Variants in MMUT observed in about 807,000 individuals in gnomAD.
The protein encoded by MMUT is methylmalonyl-CoA mutase.
Under a neutral mutation model 79.9 loss-of-function variants are expected in MMUT, and 79 were observed. The ratio of observed to expected loss-of-function variants is 0.99; its 90% CI spans 0.82 to 1.19. The LOEUF is 1.19. Ranked by LOEUF, MMUT falls within the 50% of genes most tolerant of loss-of-function variation. The pLI, the probability that MMUT is intolerant of heterozygous loss-of-function variation, is 0.00. For synonymous variants in MMUT, 273 were observed against 295.7 expected (o/e 0.92, Z 0.79); for missense variants, 860 against 917.2 (o/e 0.94, Z 0.81).
At position 49,451,616 on chromosome 6, in the gene MMUT, C is replaced by T. The variant is rs757863375; in HGVS notation, c.1182G>A (p.Leu394=). 6.2e-7 allele frequency: 1 copy of T among 1,614,004 alleles called. No homozygotes were observed. Among genetic ancestry groups the T allele is most frequent in the East Asian group, 2.2e-5 (1 of 44,856 alleles). The change falls in exon 6 of 13, where the codon TTG becomes TTA. Residue 394 remains leucine, a synonymous_variant. Coordinates refer to ENST00000274813, the MANE Select transcript of MMUT (RefSeq NM_000255.4). The part of the protein sequence containing the change: ...SLHTNSFDEA[L]GLPTVKSARI... ...GAGCACTTTTCACAGTTGGCAAACC[C>T]AAAGCTTCATCAAAAGAATTTGTGT...
intron 4 of MMUT, 137 bp from the exon 5 acceptor site, chr6:49,453,893 T>C: frequency 2.8e-6 from 2 of 719,298 alleles, no homozygotes; most frequent in Non-Finnish European, 2.2e-6. Context: ...TTAAGATCAG[T>C]GCACGTACAT....
At chr6:49,443,796 C>T (rs563926950) in intron 9 of MMUT, 11 of 438,458 alleles carry the variant, frequency 2.5e-5, no homozygotes, top group African/African-American at 1.0e-4. Context: ...TGCCAAATAT[C>T]GTGTCTATGG....
intron 8 of MMUT, among the ~76,000 whole-genome samples, chr6:49,445,800 G>C (rs1767397611): frequency 1.3e-5 from 2 of 151,926 alleles, no homozygotes; most frequent in East Asian, 3.9e-4. Flanking sequence ...GGAACCCACA[G>C]ATATGGAGGT....
intron 8 of MMUT, among the ~76,000 whole-genome samples, chr6:49,446,455 A>C (rs1292550843): frequency 6.6e-6 from 1 of 151,918 alleles, no homozygotes; most frequent in Non-Finnish European, 1.5e-5. Context: ...GTTACATCAG[A>C]ATATCCATTT....
At position 49,435,481 on chromosome 6, in the gene MMUT, A is replaced by G. The variant is rs140600746; in HGVS notation, c.2099T>C (p.Met700Thr). The change falls in exon 12 of 13, where the codon ATG (methionine) becomes ACG (threonine). Residue 700 changes from methionine (M) to threonine (T), a missense_variant. Physicochemically the swap from Met to Thr is moderately conservative, Grantham distance 81. Coordinates refer to ENST00000274813, the MANE Select transcript of MMUT (RefSeq NM_000255.4). The stretch of plus-strand genomic sequence containing the variant: ...CTGAGGTGGTATCACCCCTCCACAC[A>G]TGACAAGAATATCTGGCCGTCCAAG... ...NSLGRPDILV[M>T]CGGVIPPQDY... is the part of the protein sequence containing the mutation. 1.2e-6 allele frequency: 2 copies of G among 1,614,094 alleles called. No individual in the cohort carries two copies. The highest frequency in any genetic ancestry group is 2.2e-5 in the South Asian group (2 of 91,078).
At chr6:49,436,333 TG>T (rs1405974153) in intron 11 of MMUT, among the ~76,000 whole-genome samples, 4 of 151,934 alleles carry the variant, frequency 2.6e-5, no homozygotes, top group Non-Finnish European at 4.4e-5. Context: ...CAGCTGGGCG[TG>T]GTGGTTCATG....
intron 2 of MMUT, among the ~76,000 whole-genome samples, 156 bp from the exon 3 acceptor site, chr6:49,458,214 T>C (rs1397016196): frequency 6.6e-6 from 1 of 152,190 alleles, no homozygotes; most frequent in African/African-American, 2.4e-5. Flanking sequence ...CCAACTTAAA[T>C]AAAGATACTT....
chr6:49,434,578 T>C (rs1280455463), intron 12 of MMUT, among the ~76,000 whole-genome samples: 1 of 152,170 alleles, frequency 6.6e-6, no homozygotes, highest in African/African-American at 2.4e-5. Context: ...TAACTTGACA[T>C]TTTTTCCATT....
At chr6:49,435,370 C>T in intron 12 of MMUT, 86 bp downstream of exon 12, 1 of 1,327,318 alleles carries the variant, frequency 7.5e-7, no homozygotes, top group Non-Finnish European at 1.1e-6. Flanking sequence ...GTTCCTAAAT[C>T]TACAAGTTTA....
intron 9 of MMUT, among the ~76,000 whole-genome samples, chr6:49,443,575 A>C (rs1581824091): frequency 1.3e-5 from 2 of 152,264 alleles, no homozygotes; most frequent in South Asian, 4.1e-4. Context: ...GCTTGCAAGA[A>C]GGGTAATATT....
At chr6:49,445,502 T>C (rs1045537665) in intron 8 of MMUT, among the ~76,000 whole-genome samples, 25 of 152,104 alleles carry the variant, frequency 1.6e-4, no homozygotes, top group Non-Finnish European at 2.6e-4. Flanking sequence ...ATTGGTTTCA[T>C]GACCCACTGC....
intron 9 of MMUT, among the ~76,000 whole-genome samples, chr6:49,442,649 C>T (rs1379756575): frequency 6.6e-6 from 1 of 151,992 alleles, no homozygotes; most frequent in Non-Finnish European, 1.5e-5. Flanking sequence ...GAAGATATGA[C>T]TTTTGAACTA....
At chr6:49,461,594 C>A (rs34272273) in intron 1 of MMUT, among the ~76,000 whole-genome samples, 1 of 151,840 alleles carries the variant, frequency 6.6e-6, no homozygotes, top group Admixed American at 6.6e-5. Context: ...CACGGTGAAA[C>A]CCAGTCTCTA....
In MMUT at chr6:49,453,606, A is replaced by G. The variant is rs780440503; in HGVS notation, c.1062T>C (p.Ser354=). 2 of 1,611,166 alleles carry G rather than the reference A, an allele frequency of 1.2e-6. No homozygotes were observed. Among genetic ancestry groups the G allele is most frequent in the African/African-American group, 2.7e-5 (2 of 74,918 alleles). ...ATACCTGCTCAGTAAGTGACCATCC[A>G]GATGTCTGACAGTGTGCTCTTAGAA... ...SLLLRAHCQT[S]GWSLTEQDPY... is the part of the protein sequence containing the mutation. Residue 354 remains serine, a synonymous_variant, in exon 5 of 13, where the codon TCT becomes TCC. Transcript: ENST00000274813.
chr6:49,432,419 G>A (rs1305539474), intron 12 of MMUT, among the ~76,000 whole-genome samples: 2 of 151,158 alleles, frequency 1.3e-5, no homozygotes, highest in South Asian at 2.1e-4. Context: ...ATGGAGTCTC[G>A]CTCTGTTGCC....
intron 1 of MMUT, among the ~76,000 whole-genome samples, chr6:49,462,685 G>T (rs1767885147): frequency 6.6e-6 from 1 of 151,958 alleles, no homozygotes; most frequent in African/African-American, 2.4e-5. Flanking sequence ...TTTTATTCCC[G>T]AAAACTCTTA....
At position 49,430,694 on chromosome 6, in the gene MMUT, A is replaced by G. The variant is rs1419741507; in HGVS notation, c.*1034T>C. The G allele has an allele frequency of 6.6e-6, 1 of 152,206 alleles. No individual in the cohort carries two copies. The allele number at this position is 152,206 out of a possible 1,614,324, so 9.4% of individuals were successfully genotyped here. A position where few individuals can be genotyped will look rare whatever the true frequency, so the allele number is the denominator to read the frequency against. The stretch of plus-strand genomic sequence containing the variant: ...AATTTATTAAAAAAGATAATTATTT[A>G]TGTTATATTCATGTAATGGATCATG... On this transcript the variant is annotated 3_prime_UTR_variant, in exon 13 of 13. Coordinates refer to ENST00000274813, the MANE Select transcript of MMUT (RefSeq NM_000255.4).
chr6:49,453,551 T>A (rs1462821482), intron 5 of MMUT, 34 bp downstream of exon 5: 3 of 1,326,180 alleles, frequency 2.3e-6, no homozygotes, highest in Admixed American at 3.8e-5. Context: ...TATATAACTT[T>A]ATTAAAATTC....
intron 6 of MMUT, 142 bp downstream of exon 6, chr6:49,451,324 C>T (rs891273417): frequency 8.5e-5 from 82 of 963,306 alleles, no homozygotes; most frequent in Non-Finnish European, 1.1e-4. Flanking sequence ...TTGCAAACAT[C>T]GTTTAAATTA....
Sources: allele counts gnomAD v4.1 joint callset (sites outside exome capture counted in the v4.1 genomes callset), GRCh38; gene constraint gnomAD v4.1.1; transcripts MANE v1.5; gene names NCBI Gene and HGNC (gene_info 2026-07-23, HGNC 2026-07-21).